Variants in SEPTIN9 observed in about 807,000 individuals in gnomAD.
SEPTIN9 encodes the protein septin 9.
In SEPTIN9, 13 loss-of-function variants were observed where a neutral mutation model predicts 56.6. The observed-to-expected ratio is 0.23, with a 90% confidence interval of 0.15 to 0.37. The LOEUF (loss-of-function observed/expected upper bound fraction) is 0.37, where lower values mean the gene tolerates loss of function less well. Ranked by LOEUF, SEPTIN9 falls within the 10% of genes least tolerant of loss-of-function variation. The pLI is 1.00. For missense variants in SEPTIN9, 650 were observed against 823.1 expected (o/e 0.79, Z 2.57); for synonymous variants, 332 against 334.1 (o/e 0.99, Z 0.07).
At chr17:77,373,722 TGCCCGC>T in intron 2 of SEPTIN9, 1 of 1,292,748 alleles carries the variant, frequency 7.7e-7, no homozygotes, top group South Asian at 1.8e-5. Flanking sequence ...CCCGGCCCCG[TGCCCGC>T]GCCGCCTACG....
chr17:77,497,217 G>C, intron 10 of SEPTIN9, 98 bp from the exon 11 acceptor site: 1 of 1,279,870 alleles, frequency 7.8e-7, no homozygotes, highest in African/African-American at 1.5e-5. Flanking sequence ...CTCAGACTCT[G>C]CTTTTGGCAC....
chr17:77,357,805 C>G (rs2034300757), intron 2 of SEPTIN9, among the ~76,000 whole-genome samples: 1 of 152,110 alleles, frequency 6.6e-6, no homozygotes, highest in Non-Finnish European at 1.5e-5. Flanking sequence ...CTCACCAACT[C>G]CTCACTCCTT....
chr17:77,419,078 C>G lies in SEPTIN9; in HGVS notation c.721+16375C>G, dbSNP rs542904354. 5.2e-4 allele frequency among the ~76,000 whole-genome samples: 79 copies of G among 152,204 alleles called. 1 individual carries two copies. The highest frequency in any genetic ancestry group is 3.8e-3 in the Admixed American group (58 of 15,286). On this transcript the variant is annotated intron_variant, in intron 3 of 11. Transcript: ENST00000427177. Reference sequence around the variant, plus strand: ...GCAGCCTGCCCTGTCTCTTCTCTGCCGATGTTCCTGAAACTTTCCTGCCTC... The same window carrying G: ...GCAGCCTGCCCTGTCTCTTCTCTGCGGATGTTCCTGAAACTTTCCTGCCTC...
intron 2 of SEPTIN9, among the ~76,000 whole-genome samples, chr17:77,335,264 CGTGTTG>C (rs2033504504): frequency 1.1e-5 from 1 of 91,534 alleles, no homozygotes. Flanking sequence ...ATATAGGCCC[CGTGTTG>C]ACTGTATATG....
At chr17:77,497,463 A>G (rs1448857517) in intron 11 of SEPTIN9, 97 bp downstream of exon 11, 1 of 1,169,638 alleles carries the variant, frequency 8.5e-7, no homozygotes, top group East Asian at 2.5e-5. Flanking sequence ...AGCCCTGGGC[A>G]GAGTGGGTGC....
chr17:77,498,647 C>G lies in SEPTIN9; in HGVS notation c.1750C>G (p.Pro584Ala). ...CATGGAGGAGAAGGAGCCAGAAGCC[C>G]CGGAGATGTAGACGCCACCCTGCCC... ...NGMEEKEPEA[P>A]EM is the part of the protein sequence containing the mutation. The change falls in exon 12 of 12, where the codon CCG becomes GCG. Residue 584 changes from proline to alanine, a missense_variant. Around this residue, in one of 2 missense-constraint regions of SEPTIN9, gnomAD observed 333 missense variants for 494.0 expected, o/e 0.67. Coordinates refer to ENST00000427177, the MANE Select transcript of SEPTIN9 (RefSeq NM_001113491.2). The G allele has an allele frequency of 6.2e-7, 1 of 1,609,272 alleles. No individual in the cohort carries two copies. Among genetic ancestry groups the G allele is most frequent in the African/African-American group, 1.3e-5 (1 of 74,870 alleles).
Position 77,454,131 on chromosome 17 carries a change from C to A in SEPTIN9, c.722-28013C>A, listed in dbSNP as rs915977261. 7.1e-6 allele frequency: 7 copies of A among 985,760 alleles called. No homozygotes were observed. In the East Asian group the frequency reaches 7.9e-4, roughly 112 times the overall value. 61.1% of individuals were successfully genotyped at this position (985,760 alleles called of 1,614,324 possible). On this transcript the variant is annotated intron_variant, in intron 3 of 11. Coordinates refer to ENST00000427177, the MANE Select transcript of SEPTIN9 (RefSeq NM_001113491.2). The stretch of plus-strand genomic sequence containing the variant: ...AGGGTAAGCTGTGGGGGCTCCTCCC[C>A]GCCGGCCCCTCTCTGCAGCCCTCAC...
intron 3 of SEPTIN9, among the ~76,000 whole-genome samples, chr17:77,455,506 C>T (rs2038159465): frequency 6.6e-6 from 1 of 152,236 alleles, no homozygotes; most frequent in Non-Finnish European, 1.5e-5. Flanking sequence ...TGTGCATGGA[C>T]GTCCTCCCTC....
At chr17:77,493,515 G>C (rs762161742) in intron 10 of SEPTIN9, among the ~76,000 whole-genome samples, 16 of 152,212 alleles carry the variant, frequency 1.1e-4, no homozygotes, top group Non-Finnish European at 2.1e-4. Context: ...TTGAGTGGCT[G>C]TTGTAACCAA....
intron 2 of SEPTIN9, among the ~76,000 whole-genome samples, chr17:77,332,889 T>C (rs1176100116): frequency 6.6e-6 from 1 of 152,248 alleles, no homozygotes; most frequent in Non-Finnish European, 1.5e-5. Context: ...CCCCTGGCTG[T>C]TTCCATCTGG....
At chr17:77,440,507 T>C (rs1028436637) in intron 3 of SEPTIN9, among the ~76,000 whole-genome samples, 19 of 152,214 alleles carry the variant, frequency 1.2e-4, no homozygotes, top group Admixed American at 2.0e-4. Flanking sequence ...GATGCACCTT[T>C]AGGGTTTTAA....
intron 2 of SEPTIN9, among the ~76,000 whole-genome samples, chr17:77,387,629 G>T (rs1277387610): frequency 5.9e-5 from 9 of 152,108 alleles, no homozygotes. Context: ...AGGGCGTGAT[G>T]AGGTTCTCAT....
chr17:77,372,026 T>C (rs1460161390), intron 2 of SEPTIN9, among the ~76,000 whole-genome samples: 2 of 152,004 alleles, frequency 1.3e-5, no homozygotes, highest in African/African-American at 4.8e-5. Context: ...GAGGGGCAAG[T>C]GGGCAGCGAG....
At chr17:77,394,296 C>G (rs1459912710) in intron 2 of SEPTIN9, among the ~76,000 whole-genome samples, 1 of 152,172 alleles carries the variant, frequency 6.6e-6, no homozygotes, top group Non-Finnish European at 1.5e-5. Flanking sequence ...CTCTGTAGAT[C>G]CTAAGGGTTA....
At chr17:77,408,102 G>A (rs2036157211) in intron 3 of SEPTIN9, among the ~76,000 whole-genome samples, 1 of 152,182 alleles carries the variant, frequency 6.6e-6, no homozygotes, top group Admixed American at 6.5e-5. Context: ...TGCTCACTGG[G>A]GGCAAGAGGG....
intron 2 of SEPTIN9, among the ~76,000 whole-genome samples, chr17:77,362,240 A>G (rs1208066290): frequency 6.6e-6 from 1 of 152,178 alleles, no homozygotes; most frequent in Non-Finnish European, 1.5e-5. Flanking sequence ...GTAGCTCCAG[A>G]TGTGTGCTCA....
chr17:77,482,163 C>A lies in SEPTIN9; in HGVS notation c.741C>A (p.Ser247Arg), dbSNP rs2143215343. ...RSQEATEAAP[S>R]CVGDMADTPR... Reference sequence around the variant, plus strand: ...CCCCAGCCACTGAGGCGGCTCCCAGCTGCGTTGGCGACATGGCCGACACCC... The same window carrying A: ...CCCCAGCCACTGAGGCGGCTCCCAGATGCGTTGGCGACATGGCCGACACCC... The change falls in exon 4 of 12, where the codon AGC (serine) becomes AGA (arginine). Residue 247 changes from serine (S) to arginine (R), a missense_variant. Transcript: ENST00000427177. The A allele has an allele frequency of 1.9e-6, 3 of 1,588,448 alleles. No individual in the cohort carries two copies. The highest frequency in any genetic ancestry group is 2.6e-6 in the Non-Finnish European group (3 of 1,168,352).
chr17:77,473,552 G>A (rs373698316), intron 3 of SEPTIN9, among the ~76,000 whole-genome samples: 191 of 152,148 alleles, frequency 1.3e-3, no homozygotes, highest in African/African-American at 4.4e-3. Flanking sequence ...TTGATGAACC[G>A]TTCAAAATAC....
chr17:77,445,585 C>T lies in SEPTIN9; in HGVS notation c.722-36559C>T. ...GGGAGGAAGCTGTGAAACCACATCC[C>T]CTCCTCTCTGCTGCTGTGTTGCTGT... On this transcript the variant is annotated intron_variant, in intron 3 of 11. Transcript: ENST00000427177. This position sits in a 1 kb window ranked among gnomAD's most constrained non-coding sequence, Gnocchi z 4.7. 1 of 377,834 alleles carries T rather than the reference C, an allele frequency of 2.6e-6. No homozygotes were observed. The highest frequency in any genetic ancestry group is 5.5e-6 in the Non-Finnish European group (1 of 181,676). The allele number at this position is 377,834 out of a possible 1,614,324, so 23.4% of individuals were successfully genotyped here.
Sources: gnomAD v4.1 joint callset for allele counts (sites outside exome capture counted in the v4.1 genomes callset) on GRCh38, gnomAD v4.1.1 for gene constraint, gnomAD v4.1.1 regional missense constraint, Gnocchi (gnomAD v3.1) non-coding constraint, MANE v1.5 for transcripts, NCBI Gene and HGNC (gene_info 2026-07-23, HGNC 2026-07-21) for gene names.